Variants in LRRK2 observed in about 807,000 individuals in gnomAD.
LRRK2 encodes leucine-rich repeat serine/threonine-protein kinase 2.
In LRRK2, 203 loss-of-function variants were observed where a neutral mutation model predicts 302.6. The ratio of observed to expected loss-of-function variants is 0.67; its 90% confidence interval spans 0.60 to 0.75. The LOEUF is 0.75. LRRK2 is among the 30% of genes least tolerant of loss of function. LRRK2 has a pLI of 0.00. For synonymous variants in LRRK2, 1,066 were observed against 1,031.9 expected (o/e 1.03, Z -0.63); for missense variants, 2,830 against 2,951.0 (o/e 0.96, Z 0.95).
chr12:40,328,315 G>A (rs201507382), intron 38 of LRRK2, 45 bp from the exon 39 acceptor site: 16 of 1,473,830 alleles, frequency 1.1e-5, no homozygotes, highest in Admixed American at 5.0e-5. Flanking sequence ...AGTTTTTTTC[G>A]CTTGGACAGC....
intron 31 of LRRK2, among the ~76,000 whole-genome samples, chr12:40,310,952 TCAA>T (rs1945017251): frequency 6.6e-6 from 1 of 152,174 alleles, no homozygotes; most frequent in African/African-American, 2.4e-5. Context: ...CTTTTCTGAT[TCAA>T]CTTCTTATAG....
intron 37 of LRRK2, 45 bp from the exon 38 acceptor site, chr12:40,323,115 C>T (rs1349729852): frequency 6.5e-7 from 1 of 1,538,330 alleles, no homozygotes; most frequent in Admixed American, 1.7e-5. Context: ...TTATGTATCT[C>T]CTTAAATGTT....
At chr12:40,226,690 G>A (rs1457856658) in intron 2 of LRRK2, among the ~76,000 whole-genome samples, 2 of 152,050 alleles carry the variant, frequency 1.3e-5, no homozygotes, top group Admixed American at 1.3e-4. Context: ...AGATTTTCAC[G>A]CTGCTATCAA....
At position 40,310,547 on chromosome 12, in the gene LRRK2, G is replaced by T. The variant is rs768761859; in HGVS notation, c.4434G>T (p.Gly1478=). 2 of 1,611,534 alleles carry T rather than the reference G, an allele frequency of 1.2e-6. No homozygotes were observed. The highest frequency in any genetic ancestry group is 4.5e-5 in the East Asian group (2 of 44,808). Residue 1478 remains glycine, a synonymous_variant, in exon 31 of 51, where the codon GGG becomes GGT. Coordinates refer to ENST00000298910, the MANE Select transcript of LRRK2 (RefSeq NM_198578.4). ...KITKELLNKR[G]FPAIRDYHFV... ...CCAAGGAACTCCTGAATAAGCGAGG[G>T]TTCCCTGCCATACGAGATTACCACT...
chr12:40,307,720 A>G (rs957919085), intron 28 of LRRK2, among the ~76,000 whole-genome samples: 1 of 151,270 alleles, frequency 6.6e-6, no homozygotes, highest in African/African-American at 2.4e-5. Context: ...TTTCTATGTC[A>G]TATGGACTTT....
chr12:40,359,086 C>T (rs958262371), intron 46 of LRRK2, among the ~76,000 whole-genome samples, 174 bp from the exon 47 acceptor site: 2 of 151,676 alleles, frequency 1.3e-5, no homozygotes, highest in African/African-American at 4.8e-5. Flanking sequence ...TTACTATACT[C>T]ATTTATCAGA....
chr12:40,273,417 G>A (rs73108342), intron 14 of LRRK2, among the ~76,000 whole-genome samples: 1 of 152,122 alleles, frequency 6.6e-6, no homozygotes, highest in African/African-American at 2.4e-5. Context: ...GAAGTAGAAG[G>A]ACACAGGGTG....
At chr12:40,363,299 A>G (rs1413532196) in intron 47 of LRRK2, 103 bp from the exon 48 acceptor site, 1 of 980,740 alleles carries the variant, frequency 1.0e-6, no homozygotes, top group East Asian at 2.6e-5. Flanking sequence ...TTAGTTTTCA[A>G]AATAGTGTTT....
At chr12:40,314,270 A>G (rs1163286634) in intron 32 of LRRK2, 97 bp downstream of exon 32, 5 of 1,256,298 alleles carry the variant, frequency 4.0e-6, no homozygotes, top group Non-Finnish European at 5.7e-6. Flanking sequence ...AAGTTGAGAG[A>G]ATATCCATAC....
chr12:40,279,711 A>T (rs75083520), intron 18 of LRRK2, among the ~76,000 whole-genome samples: 4,697 of 152,292 alleles, frequency 0.031, 104 homozygotes, highest in Non-Finnish European at 0.048. Flanking sequence ...ACCCAACAGG[A>T]TTTTTACTTT....
At chr12:40,292,991 G>C (rs1425743459) in intron 20 of LRRK2, among the ~76,000 whole-genome samples, 3 of 151,942 alleles carry the variant, frequency 2.0e-5, no homozygotes, top group Admixed American at 1.3e-4. Flanking sequence ...ATTGCTGACT[G>C]TTAAATAATT....
intron 43 of LRRK2, among the ~76,000 whole-genome samples, chr12:40,350,169 G>A (rs1369023980): frequency 6.6e-6 from 1 of 152,134 alleles, no homozygotes; most frequent in Non-Finnish European, 1.5e-5. Context: ...GCAGTCCTTT[G>A]GGGTCCCAGC....
chr12:40,320,760 C>CT (rs1945378747), intron 34 of LRRK2, among the ~76,000 whole-genome samples: 2 of 151,918 alleles, frequency 1.3e-5, no homozygotes, highest in Non-Finnish European at 2.9e-5. Flanking sequence ...TATAAGATTA[C>CT]ATTTGTCTAT....
chr12:40,327,115 A>T (rs1478371644), intron 38 of LRRK2, among the ~76,000 whole-genome samples: 1 of 152,232 alleles, frequency 6.6e-6, no homozygotes, highest in Non-Finnish European at 1.5e-5. Context: ...TATGAGAACC[A>T]TAAATATTGT....
intron 2 of LRRK2, among the ~76,000 whole-genome samples, chr12:40,225,854 G>C (rs569380771): frequency 2.0e-5 from 3 of 152,266 alleles, no homozygotes; most frequent in Non-Finnish European, 4.4e-5. Context: ...GTGTCTTTAA[G>C]AAGTAACTTT....
At position 40,367,225 on chromosome 12, in the gene LRRK2, A is replaced by G. The variant is rs141412485; in HGVS notation, c.7462+148A>G. On this transcript the variant is annotated intron_variant, in intron 50 of 50. Coordinates refer to ENST00000298910, the MANE Select transcript of LRRK2 (RefSeq NM_198578.4). ...AGTTTATAGTGTAAAGAACTTAGAC[A>G]TAAATTTTCAAAATTACAAGTGATA... 554 of 685,556 alleles carry G rather than the reference A, an allele frequency of 8.1e-4. 4 individuals carry two copies. In the African/African-American group the frequency reaches 8.6e-3, roughly 11 times the overall value. 42.5% of individuals were successfully genotyped at this position (685,556 alleles called of 1,614,324 possible). A position where few individuals can be genotyped will look rare whatever the true frequency, so the allele number is the denominator to read the frequency against.
chr12:40,359,252 TGGCAA>T lies in LRRK2; in HGVS notation c.6844-7_6844-3del. 1 of 1,609,376 alleles carries T rather than the reference TGGCAA, an allele frequency of 6.2e-7. No homozygotes were observed. The highest frequency in any genetic ancestry group is 8.5e-7 in the Non-Finnish European group (1 of 1,178,028). The stretch of plus-strand genomic sequence containing the variant: ...TGCTGAGTGTGTTTTCTTTTTTTTT[TGGCAA>T]AGCTTAAAGGAGCTGCTCCTTTGAA... On this transcript the variant is annotated splice_polypyrimidine_tract_variant and splice_region_variant and intron_variant, in intron 46 of 50. Transcript: ENST00000298910.
At chr12:40,342,937 A>G (rs1436016865) in intron 41 of LRRK2, among the ~76,000 whole-genome samples, 2 of 152,196 alleles carry the variant, frequency 1.3e-5, no homozygotes, top group Non-Finnish European at 1.5e-5. Context: ...AGCTCTATCC[A>G]TGAGTTAAGT....
chr12:40,342,625 T>C (rs1284065541), intron 41 of LRRK2, among the ~76,000 whole-genome samples: 2 of 152,192 alleles, frequency 1.3e-5, no homozygotes, highest in East Asian at 1.9e-4. Flanking sequence ...ATACTGCTAC[T>C]ACTACTACCA....
Sources: gnomAD v4.1 joint callset for allele counts (sites outside exome capture counted in the v4.1 genomes callset) on GRCh38, gnomAD v4.1.1 for gene constraint, MANE v1.5 for transcripts, NCBI Gene and HGNC (gene_info 2026-07-23, HGNC 2026-07-21) for gene names.